Variants in NPAS2 observed in about 807,000 individuals in gnomAD.
The protein encoded by NPAS2 is neuronal PAS domain protein 2.
NPAS2 carries 23 observed loss-of-function variants against 107.5 expected under a neutral mutation model. That is an observed-to-expected ratio of 0.21 (90% CI 0.15 to 0.30). The LOEUF (loss-of-function observed/expected upper bound fraction) is 0.30, where lower values mean the gene tolerates loss of function less well. NPAS2 is among the 10% of genes least tolerant of loss of function. The probability of loss-of-function intolerance (pLI) is 1.00; values close to 1 mark genes in which losing one functional copy is unlikely to be tolerated. For synonymous variants in NPAS2, 403 were observed against 417.5 expected (o/e 0.97, Z 0.42); for missense variants, 756 against 1,043.3 (o/e 0.72, Z 3.79).
intron 1 of NPAS2, among the ~76,000 whole-genome samples, chr2:100,875,611 T>A (rs1679913568): frequency 6.6e-6 from 1 of 152,164 alleles, no homozygotes; most frequent in Non-Finnish European, 1.5e-5. Flanking sequence ...GACGCGCAGC[T>A]TGTCGAGGCT....
chr2:100,896,427 C>T (rs1445141983), intron 1 of NPAS2, among the ~76,000 whole-genome samples: 2 of 152,212 alleles, frequency 1.3e-5, no homozygotes, highest in Non-Finnish European at 2.9e-5. Flanking sequence ...GCCACTTAGC[C>T]TTGCTGGGGG....
At chr2:100,895,601 T>C (rs959683997) in intron 1 of NPAS2, among the ~76,000 whole-genome samples, 1 of 151,970 alleles carries the variant, frequency 6.6e-6, no homozygotes, top group Non-Finnish European at 1.5e-5. Context: ...CCCTTAGGAG[T>C]TCCAGCCCTC....
rs534959869 is a variant in NPAS2, at chr2:100,995,633, G to T, written c.*51G>T. On this transcript the variant is annotated 3_prime_UTR_variant, in exon 21 of 21. Coordinates refer to ENST00000335681, the MANE Select transcript of NPAS2 (RefSeq NM_002518.4). ...AATCAGCTTTAACCAATGGATGAGGGGGGTGGCCACAGGAGATGGGGAGAG... is the reference window on the plus strand; with the variant it reads ...AATCAGCTTTAACCAATGGATGAGGTGGGTGGCCACAGGAGATGGGGAGAG... 416 of 1,575,086 alleles carry T rather than the reference G, an allele frequency of 2.6e-4. 1 individual carries two copies. In the South Asian group the frequency reaches 4.5e-3, roughly 17 times the overall value.
intron 7 of NPAS2, among the ~76,000 whole-genome samples, chr2:100,959,294 C>T (rs1445117750): frequency 1.3e-5 from 2 of 151,866 alleles, no homozygotes; most frequent in African/African-American, 4.8e-5. Flanking sequence ...TTTTGCAAAG[C>T]CCCAGCTCTC....
In NPAS2 at chr2:100,975,580, C is replaced by T; in HGVS notation, c.1392+13C>T. The T allele has an allele frequency of 6.3e-7, 1 of 1,587,740 alleles. No individual in the cohort carries two copies. The highest frequency in any genetic ancestry group is 8.6e-7 in the Non-Finnish European group (1 of 1,160,496). The stretch of plus-strand genomic sequence containing the variant: ...AGCCACCATGCCGGTAAGTGTGTGA[C>T]CCCAAACTCCTCCACGGGTGTACGC... On this transcript the variant is annotated intron_variant, in intron 14 of 20. Transcript: ENST00000335681.
At chr2:100,875,994 A>G (rs1315875339) in intron 1 of NPAS2, among the ~76,000 whole-genome samples, 1 of 152,174 alleles carries the variant, frequency 6.6e-6, no homozygotes, top group African/African-American at 2.4e-5. Flanking sequence ...AGCTATTTTT[A>G]GCCTCAAAAA....
rs929743032 is a variant in NPAS2, at chr2:100,995,754, G to C, written c.*172G>C. 4.5e-6 allele frequency: 7 copies of C among 1,549,448 alleles called. No homozygotes were observed. In the African/African-American group the frequency reaches 9.6e-5, roughly 21 times the overall value. On this transcript the variant is annotated 3_prime_UTR_variant, in exon 21 of 21. Coordinates refer to ENST00000335681, the MANE Select transcript of NPAS2 (RefSeq NM_002518.4). The stretch of plus-strand genomic sequence containing the variant: ...CTGGAGTGCAGCGCTTGCTGCAGTG[G>C]AAATGATCAGGAATACTGACCGTGT...
chr2:100,854,606 G>A (rs1362625288), intron 1 of NPAS2, among the ~76,000 whole-genome samples: 3 of 152,180 alleles, frequency 2.0e-5, no homozygotes, highest in Non-Finnish European at 4.4e-5. Context: ...TGGTCACAAG[G>A]CCCTTCTCTT....
chr2:100,911,687 A>G (rs921557808), intron 2 of NPAS2, among the ~76,000 whole-genome samples: 3 of 151,924 alleles, frequency 2.0e-5, no homozygotes, highest in African/African-American at 7.3e-5. Context: ...GCTGGAGTGC[A>G]GTGGCACAAT....
chr2:100,836,623 A>G (rs1337535678), intron 1 of NPAS2, among the ~76,000 whole-genome samples: 1 of 152,136 alleles, frequency 6.6e-6, no homozygotes, highest in African/African-American at 2.4e-5. Flanking sequence ...CCGAGTTCCC[A>G]TTGTGCAGGT....
intron 1 of NPAS2, among the ~76,000 whole-genome samples, chr2:100,838,620 G>C (rs955035734): frequency 3.3e-5 from 5 of 152,134 alleles, no homozygotes; most frequent in Admixed American, 6.5e-5. Context: ...CGCTGAGATG[G>C]AGAGAGCAGG....
At chr2:100,920,009 GCCT>G in intron 2 of NPAS2, among the ~76,000 whole-genome samples, 1 of 152,174 alleles carries the variant, frequency 6.6e-6, no homozygotes, top group Non-Finnish European at 1.5e-5. Context: ...CTTCATTGCC[GCCT>G]CCTCCATATC....
At chr2:100,960,232 G>A (rs536117191) in intron 7 of NPAS2, among the ~76,000 whole-genome samples, 33 of 152,160 alleles carry the variant, frequency 2.2e-4, no homozygotes, top group African/African-American at 6.5e-4. Context: ...GTTTCAGGAC[G>A]TGATAACCTG....
intron 1 of NPAS2, among the ~76,000 whole-genome samples, chr2:100,831,468 G>A (rs1174932078): frequency 1.3e-5 from 2 of 152,158 alleles, no homozygotes; most frequent in Non-Finnish European, 2.9e-5. Context: ...TAAACCCCAA[G>A]TTGTGGGGTG....
At chr2:100,938,046 G>T (rs945826754) in intron 5 of NPAS2, among the ~76,000 whole-genome samples, 1 of 152,220 alleles carries the variant, frequency 6.6e-6, no homozygotes, top group Admixed American at 6.5e-5. Flanking sequence ...GCAGATGCAG[G>T]CGTGTGCCAT....
intron 1 of NPAS2, among the ~76,000 whole-genome samples, chr2:100,886,787 G>A (rs1158503821): frequency 6.6e-6 from 1 of 152,172 alleles, no homozygotes. Context: ...CAAAGGCCAA[G>A]GGACAGGAGA....
At chr2:100,908,947 A>T (rs903085120) in intron 2 of NPAS2, among the ~76,000 whole-genome samples, 9 of 152,164 alleles carry the variant, frequency 5.9e-5, no homozygotes, top group African/African-American at 2.2e-4. Context: ...CTTTGACCCT[A>T]ATTCTTAGTC....
chr2:100,975,064 G>A (rs562681978), intron 13 of NPAS2, 120 bp downstream of exon 13: 49 of 1,094,576 alleles, frequency 4.5e-5, no homozygotes, highest in Admixed American at 2.5e-4. Flanking sequence ...AGAGGTTGCC[G>A]TGCAGTTTAT....
rs1169787526 is a variant in NPAS2 at position 100,925,260 on chromosome 2, G to A, written c.147G>A (p.Leu49=). 1.2e-6 allele frequency: 2 copies of A among 1,614,090 alleles called. No homozygotes were observed. The highest frequency in any genetic ancestry group is 1.7e-6 in the Non-Finnish European group (2 of 1,180,016). ...GGAAAATGGACAAAACCACCGTGTT[G>A]GAAAAGGTCATCGGATTTTTGCAGA... ...NTRKMDKTTV[L]EKVIGFLQKH... is the part of the protein sequence containing the mutation. Residue 49 remains leucine (L), a synonymous_variant, in exon 3 of 21, where the codon TTG becomes TTA. Transcript: ENST00000335681.
Sources: gnomAD v4.1 joint callset for allele counts (sites outside exome capture counted in the v4.1 genomes callset) on GRCh38, gnomAD v4.1.1 for gene constraint, MANE v1.5 for transcripts, NCBI Gene and HGNC (gene_info 2026-07-23, HGNC 2026-07-21) for gene names.